The following ACOX1 variants were observed in gnomAD, a reference collection of about 807,000 sequenced individuals.
ACOX1 encodes the protein acyl-CoA oxidase 1, also known as peroxisomal acyl-coenzyme A oxidase 1.
A neutral mutation model predicts 75.5 loss-of-function variants in ACOX1; 41 were observed. The observed-to-expected ratio is 0.54, with a 90% CI of 0.42 to 0.70. ACOX1 has a LOEUF of 0.70. ACOX1 is among the 30% of genes least tolerant of loss of function. ACOX1 has a pLI of 0.00. For missense variants in ACOX1, 630 were observed against 837.5 expected, an observed-to-expected ratio of 0.75 and a Z score of 3.06; for synonymous variants, 303 against 298.8, an observed-to-expected ratio of 1.01 and a Z score of -0.15.
At chr17:75,968,514 G>A (rs1455271540) in intron 2 of ACOX1, among the ~76,000 whole-genome samples, 2 of 148,226 alleles carry the variant, frequency 1.3e-5, no homozygotes, top group Non-Finnish European at 3.0e-5. Context: ...GCTGAGGCAG[G>A]AGAATAGCGT....
rs780070535 is a variant in ACOX1, at chr17:75,978,703, G to A, written c.110-10C>T. ...TTCAGGATCATGTTCTCTGAAAGGG[G>A]GTTAAAGGGCATTAAAAGGCAGACA... is the stretch of plus-strand genomic sequence containing the variant. On this transcript the variant is annotated splice_polypyrimidine_tract_variant and intron_variant, in intron 1 of 13. Coordinates refer to ENST00000293217, the MANE Select transcript of ACOX1 (RefSeq NM_004035.7). This position sits in a 1 kb window ranked among gnomAD's most constrained non-coding sequence, Gnocchi z 4.2. 4.3e-6 allele frequency: 7 copies of A among 1,613,596 alleles called. No homozygotes were observed. The highest frequency in any genetic ancestry group is 5.9e-6 in the Non-Finnish European group (7 of 1,180,038).
At chr17:75,956,126 A>G (rs1316768275) in intron 4 of ACOX1, among the ~76,000 whole-genome samples, 179 bp from the exon 5 acceptor site, 1 of 152,212 alleles carries the variant, frequency 6.6e-6, no homozygotes, top group Non-Finnish European at 1.5e-5. Flanking sequence ...CCCTTAAGCT[A>G]ATAGTTATTA....
At chr17:75,968,425 G>A (rs1438625926) in intron 2 of ACOX1, among the ~76,000 whole-genome samples, 2 of 66,466 alleles carry the variant, frequency 3.0e-5, no homozygotes, top group African/African-American at 2.6e-4. Flanking sequence ...GACAGAGCGA[G>A]ACTCCGTCTC....
chr17:75,946,329 T>C lies in ACOX1; in HGVS notation c.*419A>G, dbSNP rs1270293730. 3 of 238,032 alleles carry C rather than the reference T, an allele frequency of 1.3e-5. No individual in the cohort carries two copies. The highest frequency in any genetic ancestry group is 1.1e-4 in the East Asian group (1 of 9,072). The allele number at this position is 238,032 out of a possible 1,614,324, so 14.7% of individuals were successfully genotyped here. ...CCCCAGGGTAAGTCTGGTAGAACACTGAGCAGGAAAGCTTGGAAGGGTTCT... is the reference window on the plus strand; with the variant it reads ...CCCCAGGGTAAGTCTGGTAGAACACCGAGCAGGAAAGCTTGGAAGGGTTCT... On this transcript the variant is annotated 3_prime_UTR_variant, in exon 14 of 14. Coordinates refer to ENST00000293217, the MANE Select transcript of ACOX1 (RefSeq NM_004035.7).
intron 2 of ACOX1, among the ~76,000 whole-genome samples, chr17:75,968,021 G>C (rs2065955211): frequency 6.6e-6 from 1 of 151,220 alleles, no homozygotes. Context: ...TTACAGGCGA[G>C]AGCCATTGCA....
In ACOX1 at chr17:75,948,248, T is replaced by C. The variant is rs2065740000; in HGVS notation, c.1935+3A>G. ...AAAAGGTGCAGAGACACTGGATTTT[T>C]ACCTCTGCTTTGTTCAGTGGGGAGT... On this transcript the variant is annotated splice_donor_region_variant and intron_variant, in intron 13 of 13. Coordinates refer to ENST00000293217, the MANE Select transcript of ACOX1 (RefSeq NM_004035.7). 4 of 1,614,108 alleles carry C rather than the reference T, an allele frequency of 2.5e-6. No individual in the cohort carries two copies. Among genetic ancestry groups the C allele is most frequent in the Non-Finnish European group, 3.4e-6 (4 of 1,179,982 alleles).
chr17:75,958,800 TC>T (rs1225865779), intron 3 of ACOX1, among the ~76,000 whole-genome samples: 3 of 124,448 alleles, frequency 2.4e-5, no homozygotes, highest in Non-Finnish European at 4.7e-5. Context: ...AGAGCACGAC[TC>T]CGTCTCAAAA....
At chr17:75,955,143 A>G (rs752438153) in intron 6 of ACOX1, among the ~76,000 whole-genome samples, 13 of 150,638 alleles carry the variant, frequency 8.6e-5, no homozygotes, top group Non-Finnish European at 1.5e-4. Flanking sequence ...TGCTGGAATT[A>G]CAGGTGTGAG....
chr17:75,959,763 G>T (rs1046910954), intron 3 of ACOX1, among the ~76,000 whole-genome samples: 1 of 152,236 alleles, frequency 6.6e-6, no homozygotes. Context: ...ACACACGTCA[G>T]TTATAAGCTA....
chr17:75,976,140 C>G (rs2066048412), intron 2 of ACOX1, among the ~76,000 whole-genome samples: 1 of 152,030 alleles, frequency 6.6e-6, no homozygotes, highest in South Asian at 2.1e-4. Flanking sequence ...ATTTACAAAC[C>G]CCTTCTCTTA....
chr17:75,967,148 T>C (rs1388741169), intron 2 of ACOX1, among the ~76,000 whole-genome samples: 3 of 151,260 alleles, frequency 2.0e-5, no homozygotes, highest in Admixed American at 6.6e-5. Context: ...GTCAAATCAT[T>C]AAACAGAAAC....
chr17:75,968,812 C>G (rs2065966149), intron 2 of ACOX1, among the ~76,000 whole-genome samples: 1 of 151,104 alleles, frequency 6.6e-6, no homozygotes, highest in African/African-American at 2.4e-5. Context: ...ATCCCAGCTA[C>G]TCAGGAGGCC....
At chr17:75,970,183 T>TAAAAAAAAAAAA (rs2065979827) in intron 2 of ACOX1, among the ~76,000 whole-genome samples, 2 of 47,698 alleles carry the variant, frequency 4.2e-5, no homozygotes, top group African/African-American at 2.8e-4. Flanking sequence ...TGAGACTCCT[T>TAAAAAAAAAAAA]CAAAAAAAAA....
Position 75,978,154 on chromosome 17 carries a change from G to C in ACOX1, c.269+380C>G, listed in dbSNP as rs1190632128. ...CTCTTGCCCAGGCTGGAGTGCAGTGGCGCGATCTCGGCTCACTGCAAGCTC... is the reference window on the plus strand; with the variant it reads ...CTCTTGCCCAGGCTGGAGTGCAGTGCCGCGATCTCGGCTCACTGCAAGCTC... On this transcript the variant is annotated intron_variant, in intron 2 of 13. Transcript: ENST00000293217. The surrounding 1 kb of genome is among the most constrained non-coding windows in gnomAD (Gnocchi z 4.2). 6.6e-6 allele frequency among the ~76,000 whole-genome samples: 1 copy of C among 152,028 alleles called. No individual in the cohort carries two copies. Among genetic ancestry groups the C allele is most frequent in the African/African-American group, 2.4e-5 (1 of 41,406 alleles).
intron 13 of ACOX1, 46 bp from the exon 14 acceptor site, chr17:75,946,841 T>A (rs933172208): frequency 1.9e-6 from 3 of 1,565,318 alleles, no homozygotes; most frequent in South Asian, 2.2e-5. Context: ...GAGTTTGCCA[T>A]GTTAAATAGT....
At chr17:75,976,991 CTTTTTT>C (rs1019883355) in intron 2 of ACOX1, among the ~76,000 whole-genome samples, 1,020 of 78,868 alleles carry the variant, frequency 0.013, 10 homozygotes, top group African/African-American at 0.044. Context: ...GCAAAAAAGT[CTTTTTT>C]TTTTTTTTTT....
At position 75,960,266 on chromosome 17, in the gene ACOX1, C is replaced by A. The variant is rs753668223; in HGVS notation, c.379G>T (p.Ala127Ser). The A allele has an allele frequency of 6.8e-6, 11 of 1,614,046 alleles. No homozygotes were observed. Among genetic ancestry groups the A allele is most frequent in the Admixed American group, 5.0e-5 (3 of 59,996 alleles). The change falls in exon 3 of 14, where the codon GCC becomes TCC. Residue 127 changes from alanine to serine, a missense_variant. By Grantham distance (99) the Ala-to-Ser change is moderately conservative (BLOSUM62 1). This residue lies in a region of ACOX1 where 390 missense variants were observed against 574.9 expected (regional missense o/e 0.68). Coordinates refer to ENST00000293217, the MANE Select transcript of ACOX1 (RefSeq NM_004035.7). This position sits in a 1 kb window ranked among gnomAD's most constrained non-coding sequence, Gnocchi z 4.4. ...AEQQERFFMP[A>S]WNLEIIGTYA... ...GTGCCAATGATCTCCAAGTTCCAGG[C>A]GGGCATGAAGAAGCGCTCCTGCTGC...
chr17:75,953,438 A>G lies in ACOX1; in HGVS notation c.944+13T>C. On this transcript the variant is annotated intron_variant, in intron 7 of 13. Coordinates refer to ENST00000293217, the MANE Select transcript of ACOX1 (RefSeq NM_004035.7). ...GCCTTTGGTACTGAGCCCATCTAGGACCCTATCCTTACCCTGGCTTGATTT... is the reference window on the plus strand; with the variant it reads ...GCCTTTGGTACTGAGCCCATCTAGGGCCCTATCCTTACCCTGGCTTGATTT... 2.5e-6 allele frequency: 4 copies of G among 1,613,216 alleles called. No individual in the cohort carries two copies. The highest frequency in any genetic ancestry group is 3.4e-6 in the Non-Finnish European group (4 of 1,179,556).
intron 7 of ACOX1, among the ~76,000 whole-genome samples, chr17:75,952,664 T>C (rs2065785640): frequency 6.6e-6 from 1 of 151,740 alleles, no homozygotes; most frequent in Non-Finnish European, 1.5e-5. Flanking sequence ...ATTCCGTCTC[T>C]ACTAAAAATA....
Sources: allele counts gnomAD v4.1 joint callset (sites outside exome capture counted in the v4.1 genomes callset), GRCh38; gene constraint gnomAD v4.1.1; regional missense constraint gnomAD v4.1.1; non-coding constraint Gnocchi (gnomAD v3.1); transcripts MANE v1.5; gene names NCBI Gene and HGNC (gene_info 2026-07-23, HGNC 2026-07-21).